The following MAP4K4 variants were observed in gnomAD, a reference collection of about 807,000 sequenced individuals.
The protein encoded by MAP4K4 is HPK/GCK-like kinase HGK.
Under a neutral mutation model 189.6 loss-of-function variants are expected in MAP4K4, and 38 were observed. The observed-to-expected ratio is 0.20, with a 90% CI of 0.15 to 0.26. The LOEUF (loss-of-function observed/expected upper bound fraction) is 0.26, where lower values mean the gene tolerates loss of function less well. MAP4K4 is among the 10% of genes least tolerant of loss of function. The probability of loss-of-function intolerance (pLI) is 1.00; values close to 1 mark genes in which losing one functional copy is unlikely to be tolerated. For synonymous variants in MAP4K4, 610 were observed against 624.3 expected (o/e 0.98, Z 0.34); for missense variants, 1,054 against 1,726.9 (o/e 0.61, Z 6.91).
chr2:101,876,950 G>A, intron 26 of MAP4K4, 53 bp from the exon 27 acceptor site: 3 of 1,589,310 alleles, frequency 1.9e-6, no homozygotes, highest in Non-Finnish European at 2.6e-6. Context: ...ATACAACCTG[G>A]GGATTTGCCA....
At chr2:101,756,598 A>G (rs750467968) in intron 2 of MAP4K4, among the ~76,000 whole-genome samples, 8 of 152,042 alleles carry the variant, frequency 5.3e-5, no homozygotes, top group Non-Finnish European at 1.2e-4. Flanking sequence ...TTTGTTGCTT[A>G]TGCTGGAGTG....
At chr2:101,867,064 C>A in intron 19 of MAP4K4, 148 bp from the exon 20 acceptor site, 1 of 603,284 alleles carries the variant, frequency 1.7e-6, no homozygotes, top group Admixed American at 3.0e-5. Flanking sequence ...CCTCCTTGGG[C>A]CCCCTCTGCT....
Position 101,842,546 on chromosome 2 carries a change from G to A in MAP4K4, c.950-63G>A, listed in dbSNP as rs1576603374. The A allele has an allele frequency of 1.0e-5, 12 of 1,205,390 alleles. No individual in the cohort carries two copies. The South Asian group carries it at 1.6e-4, about 16-fold the overall frequency. 74.7% of individuals were successfully genotyped at this position (1,205,390 alleles called of 1,614,324 possible). ...TGCCAAGGTGCTCCTGCAGATGCTT[G>A]TCTGAACAGGCGTGTGTCAGGACTT... On this transcript the variant is annotated intron_variant, in intron 10 of 32. Coordinates refer to ENST00000324219, the Ensembl canonical transcript of MAP4K4.
chr2:101,780,804 C>A (rs547696962), intron 2 of MAP4K4, among the ~76,000 whole-genome samples: 3 of 152,288 alleles, frequency 2.0e-5, no homozygotes, highest in Non-Finnish European at 4.4e-5. Flanking sequence ...TTTAACGTAT[C>A]TTGACAGAGT....
At chr2:101,868,347 A>G (rs1049320284) in intron 21 of MAP4K4, among the ~76,000 whole-genome samples, 14 of 152,216 alleles carry the variant, frequency 9.2e-5, no homozygotes, top group African/African-American at 3.1e-4. Context: ...AACATTCTCA[A>G]CTATGAAGAA....
At chr2:101,727,316 C>T (rs2055994006) in intron 2 of MAP4K4, among the ~76,000 whole-genome samples, 1 of 152,194 alleles carries the variant, frequency 6.6e-6, no homozygotes, top group Non-Finnish European at 1.5e-5. Flanking sequence ...GGATTTGCTT[C>T]TGCAAAACTC....
chr2:101,844,357 G>C, intron 12 of MAP4K4, 46 bp downstream of exon 12: 5 of 1,484,436 alleles, frequency 3.4e-6, no homozygotes, highest in Non-Finnish European at 3.7e-6. Flanking sequence ...TTCTCTTTCT[G>C]CATTTACACT....
chr2:101,786,483 GA>G (rs2091292190), intron 2 of MAP4K4, among the ~76,000 whole-genome samples: 1 of 152,116 alleles, frequency 6.6e-6, no homozygotes, highest in African/African-American at 2.4e-5. Context: ...TATCAAAGGG[GA>G]TAACGGTTCT....
chr2:101,819,535 A>G (rs534292591), intron 3 of MAP4K4, among the ~76,000 whole-genome samples: 6 of 152,226 alleles, frequency 3.9e-5, no homozygotes, highest in Non-Finnish European at 7.3e-5. Context: ...AAATCATAAA[A>G]TCAAGAGAGG....
intron 21 of MAP4K4, among the ~76,000 whole-genome samples, chr2:101,868,939 G>A (rs763984963): frequency 4.6e-5 from 7 of 151,928 alleles, no homozygotes; most frequent in Non-Finnish European, 1.0e-4. Context: ...ATATGACAAA[G>A]TCTTCTTTAA....
At chr2:101,708,246 C>G (rs1425842891) in intron 2 of MAP4K4, among the ~76,000 whole-genome samples, 1 of 152,072 alleles carries the variant, frequency 6.6e-6, no homozygotes, top group Non-Finnish European at 1.5e-5. Flanking sequence ...CATGTTTAAC[C>G]AAAAGTTGTG....
intron 2 of MAP4K4, among the ~76,000 whole-genome samples, chr2:101,706,172 C>T (rs897031810): frequency 5.9e-5 from 9 of 152,114 alleles, no homozygotes; most frequent in African/African-American, 1.7e-4. Context: ...CTTTTAGCTG[C>T]TACATCTGAA....
intron 2 of MAP4K4, among the ~76,000 whole-genome samples, chr2:101,703,867 CG>C (rs1244420127): frequency 3.3e-5 from 5 of 151,672 alleles, no homozygotes; most frequent in Non-Finnish European, 4.4e-5. Context: ...AAAAATTAGC[CG>C]GGCGTGGTGG....
chr2:101,715,288 A>G (rs994527188), intron 2 of MAP4K4, among the ~76,000 whole-genome samples: 1 of 152,166 alleles, frequency 6.6e-6, no homozygotes, highest in Non-Finnish European at 1.5e-5. Flanking sequence ...CCTTATTTTA[A>G]TTCAGTCACT....
At chr2:101,701,958 C>T (rs72829209) in intron 2 of MAP4K4, among the ~76,000 whole-genome samples, 36,621 of 152,032 alleles carry the variant, frequency 0.24, 5,404 homozygotes, top group Non-Finnish European at 0.31. Flanking sequence ...CTCCGTCTCC[C>T]GGGTTCAAGT....
chr2:101,882,515 G>T, intron 27 of MAP4K4, 36 bp from the exon 28 acceptor site: 2 of 1,492,256 alleles, frequency 1.3e-6, no homozygotes, highest in Non-Finnish European at 1.8e-6. Flanking sequence ...CCTACTTCTG[G>T]ATATGCATGT....
intron 32 of MAP4K4, 49 bp from the exon 33 acceptor site, chr2:101,891,117 G>T (rs2098559933): frequency 7.0e-7 from 1 of 1,432,934 alleles, no homozygotes; most frequent in African/African-American, 1.4e-5. Flanking sequence ...CTGGCTGGAA[G>T]TGCTTCATGA....
At chr2:101,707,775 C>G (rs1469044431) in intron 2 of MAP4K4, among the ~76,000 whole-genome samples, 1 of 148,128 alleles carries the variant, frequency 6.8e-6, no homozygotes, top group Non-Finnish European at 1.5e-5. Flanking sequence ...ACTGCAAGTT[C>G]TGCCTCCCGG....
intron 2 of MAP4K4, among the ~76,000 whole-genome samples, chr2:101,756,729 ATTTTTTTTTTTT>A (rs34314872): frequency 8.0e-6 from 1 of 125,040 alleles, no homozygotes; most frequent in Non-Finnish European, 1.7e-5. Context: ...TAATTTTTGT[ATTTTTTTTTTTT>A]TTTTTTGTAG....
Sources: allele counts gnomAD v4.1 joint callset (sites outside exome capture counted in the v4.1 genomes callset), GRCh38; gene constraint gnomAD v4.1.1; transcripts MANE v1.5; gene names NCBI Gene and HGNC (gene_info 2026-07-23, HGNC 2026-07-21).